RAD51B: variants seen among roughly 807,000 people sequenced by gnomAD.
The protein encoded by RAD51B is RAD51 paralog B.
A neutral mutation model predicts 42.2 loss-of-function variants in RAD51B; 38 were observed. That is an observed-to-expected ratio of 0.90 (90% CI 0.70 to 1.18). RAD51B has a LOEUF of 1.18. Among genes scored for constraint, RAD51B ranks in the 50% most tolerant of loss-of-function variants. The probability of loss-of-function intolerance (pLI) is 0.00; values close to 1 mark genes in which losing one functional copy is unlikely to be tolerated. For synonymous variants in RAD51B, 154 were observed against 145.2 expected, an observed-to-expected ratio of 1.06 and a Z score of -0.43; for missense variants, 373 against 400.7, an observed-to-expected ratio of 0.93 and a Z score of 0.59.
At chr14:68,100,759 C>T (rs2077274988) in intron 7 of RAD51B, among the ~76,000 whole-genome samples, 1 of 152,084 alleles carries the variant, frequency 6.6e-6, no homozygotes, top group South Asian at 2.1e-4. Flanking sequence ...TGCCCTCTTC[C>T]CCATTTTGCA....
At chr14:68,427,709 T>A (rs1013137533) in intron 9 of RAD51B, among the ~76,000 whole-genome samples, 2 of 152,216 alleles carry the variant, frequency 1.3e-5, no homozygotes, top group Non-Finnish European at 2.9e-5. Context: ...CATATATGAT[T>A]TAGATGAGAC....
At chr14:68,138,662 A>C (rs1419522949) in intron 7 of RAD51B, among the ~76,000 whole-genome samples, 1 of 152,198 alleles carries the variant, frequency 6.6e-6, no homozygotes, top group Non-Finnish European at 1.5e-5. Flanking sequence ...GCACACCAGG[A>C]AGTCTATTGA....
intron 7 of RAD51B, among the ~76,000 whole-genome samples, chr14:68,068,928 G>A (rs529373247): frequency 6.6e-5 from 10 of 152,214 alleles, no homozygotes; most frequent in East Asian, 1.9e-4. Flanking sequence ...AACACTTCTC[G>A]ATTATTGCAA....
intron 4 of RAD51B, among the ~76,000 whole-genome samples, chr14:67,863,461 A>T (rs1362098090): frequency 1.3e-5 from 2 of 152,170 alleles, no homozygotes; most frequent in African/African-American, 4.8e-5. Flanking sequence ...GGTGATTCTG[A>T]TGCTCACTCA....
At chr14:68,425,440 G>C (rs7142184) in intron 9 of RAD51B, among the ~76,000 whole-genome samples, 16,783 of 152,212 alleles carry the variant, frequency 0.11, 1,538 homozygotes, top group African/African-American at 0.25. Flanking sequence ...ATTATCAAGA[G>C]AAGTGGGTTT....
At position 67,890,179 on chromosome 14, in the gene RAD51B, T is replaced by G. The variant is rs1313540360; in HGVS notation, c.756+2975T>G. ...CTAATTACCACGTACAGAATAGTTA[T>G]TATACGTATTGTAAATTATGTATCA... On this transcript the variant is annotated intron_variant, in intron 7 of 10. Transcript: ENST00000471583. Among the ~76,000 whole-genome samples, 6 of 152,210 alleles carry G rather than the reference T, an allele frequency of 3.9e-5. No homozygotes were observed. The South Asian group carries it at 1.2e-3, about 31-fold the overall frequency.
intron 7 of RAD51B, among the ~76,000 whole-genome samples, chr14:68,151,790 T>C (rs1182340179): frequency 6.6e-6 from 1 of 151,698 alleles, no homozygotes; most frequent in Admixed American, 6.6e-5. Context: ...GTATTTCTAT[T>C]GACTTTTCAA....
At chr14:68,557,054 T>C (rs1350490019) in intron 10 of RAD51B, among the ~76,000 whole-genome samples, 1 of 152,188 alleles carries the variant, frequency 6.6e-6, no homozygotes, top group Non-Finnish European at 1.5e-5. Context: ...CAAGAAGCTT[T>C]GGCTGGCCAC....
rs947228898 is a variant in RAD51B at position 68,563,143 on chromosome 14, G to A, written c.1037-31342G>A. 15 of 985,320 alleles carry A rather than the reference G, an allele frequency of 1.5e-5. No homozygotes were observed. In the Admixed American group the frequency reaches 5.5e-4, roughly 36 times the overall value. The allele number at this position is 985,320 out of a possible 1,614,324, so 61.0% of individuals were successfully genotyped here. A position where few individuals can be genotyped will look rare whatever the true frequency, so the allele number is the denominator to read the frequency against. ...GAGAGGGCTTCACATTTGACTTGGC[G>A]AAGGAGAGAAGTTCTTTATTTCCCT... On this transcript the variant is annotated intron_variant, in intron 10 of 10. Transcript: ENST00000487270.
intron 7 of RAD51B, among the ~76,000 whole-genome samples, chr14:68,289,250 T>C (rs1035612103): frequency 6.6e-6 from 1 of 152,208 alleles, no homozygotes; most frequent in Non-Finnish European, 1.5e-5. Context: ...ATATTTACTA[T>C]GTGTCAGATA....
chr14:68,536,716 G>T (rs915664190), intron 10 of RAD51B, among the ~76,000 whole-genome samples: 1 of 152,130 alleles, frequency 6.6e-6, no homozygotes, highest in Non-Finnish European at 1.5e-5. Context: ...AAATTTTTTA[G>T]TATTTCCTTA....
At position 68,360,593 on chromosome 14, in the gene RAD51B, A is replaced by T. The variant is rs566046250; in HGVS notation, c.854-50831A>T. On this transcript the variant is annotated intron_variant, in intron 8 of 10. Transcript: ENST00000471583. ...TCCCAACAACTCTACATCGTATATGATATTGTCTCCTTTTTAGAGATGAGG... is the reference window on the plus strand; with the variant it reads ...TCCCAACAACTCTACATCGTATATGTTATTGTCTCCTTTTTAGAGATGAGG... Among the ~76,000 whole-genome samples the T allele has an allele frequency of 1.3e-3, 192 of 152,340 alleles. 2 individuals are homozygous for T. The South Asian group carries it at 0.038, about 30-fold the overall frequency.
intron 5 of RAD51B, among the ~76,000 whole-genome samples, chr14:67,878,820 C>T (rs1235960155): frequency 1.3e-5 from 2 of 152,174 alleles, no homozygotes; most frequent in East Asian, 3.9e-4. Context: ...CTTACTCAGC[C>T]TCCCGAATAG....
At chr14:68,585,891 G>A (rs1890441450) in intron 10 of RAD51B, among the ~76,000 whole-genome samples, 1 of 152,092 alleles carries the variant, frequency 6.6e-6, no homozygotes, top group Admixed American at 6.5e-5. Context: ...GCAGAGGGGG[G>A]AGACAACTCA....
At position 68,133,965 on chromosome 14, in the gene RAD51B, A is replaced by T. The variant is rs117010241; in HGVS notation, c.757-157919A>T. 1.3e-3 allele frequency among the ~76,000 whole-genome samples: 205 copies of T among 152,268 alleles called. 1 individual carries two copies. The highest frequency in any genetic ancestry group is 6.8e-3 in the Middle Eastern group (2 of 294). ...AAACCTGGAAACCAATATGGGTACA[A>T]CCCATAAAACTTATTTCACCAGTAA... On this transcript the variant is annotated intron_variant, in intron 7 of 10. Coordinates refer to ENST00000471583, the MANE Select transcript of RAD51B (RefSeq NM_133510.4).
At chr14:68,232,678 G>A (rs1452274529) in intron 7 of RAD51B, among the ~76,000 whole-genome samples, 5 of 152,290 alleles carry the variant, frequency 3.3e-5, no homozygotes. Context: ...TATTGTCAGA[G>A]GTAAATCACC....
chr14:68,528,614 A>T (rs1051036329), intron 10 of RAD51B, among the ~76,000 whole-genome samples: 5 of 152,348 alleles, frequency 3.3e-5, no homozygotes, highest in Admixed American at 2.0e-4. Context: ...GTCAAGGTCC[A>T]TATTTAGTGG....
intron 7 of RAD51B, among the ~76,000 whole-genome samples, chr14:67,962,071 T>C (rs970744100): frequency 5.9e-5 from 9 of 152,170 alleles, no homozygotes; most frequent in African/African-American, 1.2e-4. Context: ...AACACCTCTA[T>C]TGCAAAACTA....
At chr14:68,184,192 A>G (rs1482401889) in intron 7 of RAD51B, among the ~76,000 whole-genome samples, 1 of 151,664 alleles carries the variant, frequency 6.6e-6, no homozygotes, top group Non-Finnish European at 1.5e-5. Flanking sequence ...CTGATGTGGG[A>G]GGATCACTTG....
Sources: allele counts gnomAD v4.1 joint callset (sites outside exome capture counted in the v4.1 genomes callset), GRCh38; gene constraint gnomAD v4.1.1; transcripts MANE v1.5; gene names NCBI Gene and HGNC (gene_info 2026-07-23, HGNC 2026-07-21).